The following ATIC variants were observed in gnomAD, a reference collection of about 807,000 sequenced individuals.
ATIC encodes the protein 5-aminoimidazole-4-carboxamide ribonucleotide formyltransferase/IMP cyclohydrolase, also known as bifunctional purine biosynthesis protein ATIC.
In ATIC, 64 loss-of-function variants were observed where a neutral mutation model predicts 72.5. The observed-to-expected ratio is 0.88, with a 90% CI of 0.72 to 1.09. The LOEUF is 1.09. Ranked by LOEUF, ATIC falls within the 50% of genes least tolerant of loss-of-function variation. ATIC has a pLI of 0.00. For synonymous variants in ATIC, 281 were observed against 267.1 expected, an observed-to-expected ratio of 1.05 and a Z score of -0.51; for missense variants, 787 against 732.4, an observed-to-expected ratio of 1.07 and a Z score of -0.86.
rs143713091 is a variant in ATIC, at chr2:215,344,310, A to G, written c.1228-469A>G. On this transcript the variant is annotated intron_variant, in intron 12 of 15. Coordinates refer to ENST00000236959, the MANE Select transcript of ATIC (RefSeq NM_004044.7). Reference sequence around the variant, plus strand: ...GTTAAATATTTAAGTAAATCATGGTAGTGTGTAGGAGAACAGTTAATTTCC... The same window carrying G: ...GTTAAATATTTAAGTAAATCATGGTGGTGTGTAGGAGAACAGTTAATTTCC... 2.4e-3 allele frequency among the ~76,000 whole-genome samples: 372 copies of G among 152,314 alleles called. 5 individuals are homozygous for G. Among genetic ancestry groups the G allele is most frequent in the Admixed American group, 0.019 (297 of 15,294 alleles).
intron 5 of ATIC, 83 bp downstream of exon 5, chr2:215,325,412 T>C (rs2052812312): frequency 1.9e-6 from 2 of 1,035,686 alleles, no homozygotes; most frequent in Admixed American, 1.9e-5. Context: ...ATTTTATTAC[T>C]GAGGAAATAG....
intron 2 of ATIC, among the ~76,000 whole-genome samples, chr2:215,316,659 A>G (rs16853774): frequency 0.014 from 2,165 of 152,306 alleles, 36 homozygotes; most frequent in African/African-American, 0.048. Flanking sequence ...AATTCTTAAC[A>G]TGCTAGTATA....
Position 215,333,458 on chromosome 2 carries a change from G to T in ATIC, c.922+1G>T, listed in dbSNP as rs143359980. ...TCAGCGGCATATGCAAGAGCAAGAGGTCAGACTCATAGGGCTTTTTGATTT... is the reference window on the plus strand; with the variant it reads ...TCAGCGGCATATGCAAGAGCAAGAGTTCAGACTCATAGGGCTTTTTGATTT... On this transcript the variant is annotated splice_donor_variant, in intron 9 of 15. Coordinates refer to ENST00000236959, the MANE Select transcript of ATIC (RefSeq NM_004044.7). LOFTEE classifies it high-confidence loss of function. 7 of 1,612,468 alleles carry T rather than the reference G, an allele frequency of 4.3e-6. No homozygotes were observed. Among genetic ancestry groups the T allele is most frequent in the Admixed American group, 1.7e-5 (1 of 59,986 alleles).
the ATIC span, among the ~76,000 whole-genome samples, chr2:215,365,962 T>A: frequency 5.3e-5 from 7 of 132,152 alleles, no homozygotes; most frequent in East Asian, 1.4e-3. Flanking sequence ...CTCCCCACAG[T>A]GCTATTTTTT....
chr2:215,330,835 T>C (rs920096278), intron 7 of ATIC, among the ~76,000 whole-genome samples: 8 of 151,958 alleles, frequency 5.3e-5, no homozygotes, highest in African/African-American at 1.9e-4. Context: ...TGCACCACCA[T>C]GCCCAGCTGT....
rs996961073 is a variant in ATIC, at chr2:215,349,645, TC to T, written c.1771del (p.His591ThrfsTer24). 3 of 1,614,086 alleles carry T rather than the reference TC, an allele frequency of 1.9e-6. No homozygotes were observed. Among genetic ancestry groups the T allele is most frequent in the African/African-American group, 2.7e-5 (2 of 74,912 alleles). ...CTCGCTCATACGAACCTTCGGCTCT[TC>T]CACCACTGATTTTACCACACACTGT... ...IILAHTNLRL[F>X]HH is the part of the protein sequence containing the mutation. On this transcript the variant is annotated frameshift_variant, in exon 16 of 16. Coordinates refer to ENST00000236959, the MANE Select transcript of ATIC (RefSeq NM_004044.7). LOFTEE classifies it high-confidence loss of function.
At chr2:215,334,234 C>T (rs79077644) in intron 9 of ATIC, among the ~76,000 whole-genome samples, 18,253 of 127,682 alleles carry the variant, frequency 0.14, 1,675 homozygotes, top group East Asian at 0.54. Context: ...TGCTCTGTTG[C>T]CCAGGCTGGA....
At chr2:215,361,551 T>G in the ATIC span, 1 of 1,593,908 alleles carries the variant, frequency 6.3e-7, no homozygotes, top group Non-Finnish European at 8.6e-7. Context: ...ATTGGAAAGA[T>G]GATTTACTCT....
chr2:215,337,641 A>G (rs959289769), intron 11 of ATIC, among the ~76,000 whole-genome samples: 1 of 152,228 alleles, frequency 6.6e-6, no homozygotes, highest in Non-Finnish European at 1.5e-5. Flanking sequence ...TGTTGGGATT[A>G]CAGGCGTGAG....
At chr2:215,326,333 G>A (rs145545305) in intron 6 of ATIC, among the ~76,000 whole-genome samples, 195 bp downstream of exon 6, 24 of 152,236 alleles carry the variant, frequency 1.6e-4, no homozygotes, top group Middle Eastern at 3.4e-3. Flanking sequence ...AGCTGGGCGC[G>A]GTGGCTCACG....
chr2:215,326,762 C>T (rs2052831120), intron 6 of ATIC, 60 bp from the exon 7 acceptor site: 1 of 1,604,612 alleles, frequency 6.2e-7, no homozygotes, highest in Non-Finnish European at 8.5e-7. Flanking sequence ...CGTAGAAAAC[C>T]ATCTTGTCCC....
At position 215,349,111 on chromosome 2, in the gene ATIC, G is replaced by C. The variant is rs1575127440; in HGVS notation, c.1521G>C (p.Lys507Asn). 1.2e-6 allele frequency: 2 copies of C among 1,613,994 alleles called. No homozygotes were observed. Among genetic ancestry groups the C allele is most frequent in the African/African-American group, 2.7e-5 (2 of 74,894 alleles). ...CCGCATAGGATGAAGATTTGATAAA[G>C]TGGAAGGCACTGTTTGAGGAAGTCC... ...GTIGEDEDLI[K>N]WKALFEEVPE... Residue 507 changes from lysine (K) to asparagine (N), a missense_variant, in exon 15 of 16, where the codon AAG becomes AAC. Coordinates refer to ENST00000236959, the MANE Select transcript of ATIC (RefSeq NM_004044.7).
intron 15 of ATIC, 99 bp downstream of exon 15, chr2:215,349,348 T>TA: frequency 1.3e-6 from 2 of 1,582,900 alleles, no homozygotes; most frequent in East Asian, 2.2e-5. Flanking sequence ...GGCAAAGTGA[T>TA]ACAGATCAGT....
chr2:215,366,067 C>T, the ATIC span, among the ~76,000 whole-genome samples: 1 of 151,384 alleles, frequency 6.6e-6, no homozygotes, highest in Non-Finnish European at 1.5e-5. Context: ...ATCCACCCGC[C>T]TCAGCCTCCA....
rs2052665254 is a variant in ATIC, at chr2:215,312,546, A to G, written c.68A>G (p.Asn23Ser). ...DKTGLVEFAR[N>S]LTALGLNLVA... ...ACCGGCCTTGTGGAATTTGCAAGAA[A>G]CCTGACCGCTCTTGGTTTGAATCTG... The change falls in exon 2 of 16, where the codon AAC (asparagine) becomes AGC (serine). Residue 23 changes from asparagine (N) to serine (S), a missense_variant. Transcript: ENST00000236959. The G allele has an allele frequency of 6.2e-7, 1 of 1,614,036 alleles. No homozygotes were observed. The highest frequency in any genetic ancestry group is 8.5e-7 in the Non-Finnish European group (1 of 1,180,032).
intron 2 of ATIC, among the ~76,000 whole-genome samples, chr2:215,316,945 A>G (rs151025275): frequency 0.017 from 2,563 of 152,212 alleles, 54 homozygotes; most frequent in Non-Finnish European, 0.024. Flanking sequence ...TATTTTTAGT[A>G]GAGGCGGGGT....
the ATIC span, chr2:215,361,739 T>C: frequency 1.9e-6 from 2 of 1,028,416 alleles, no homozygotes; most frequent in African/African-American, 1.6e-5. Flanking sequence ...TAGGATAATA[T>C]TTCTTCCTAG....
chr2:215,346,620 A>G (rs1198630202), intron 13 of ATIC, 139 bp from the exon 14 acceptor site: 4 of 960,190 alleles, frequency 4.2e-6, no homozygotes, highest in Non-Finnish European at 4.9e-6. Context: ...CTTAAAAATT[A>G]TTTATATTTC....
intron 7 of ATIC, among the ~76,000 whole-genome samples, 153 bp from the exon 8 acceptor site, chr2:215,332,229 C>G (rs1186467126): frequency 6.7e-6 from 1 of 149,912 alleles, no homozygotes; most frequent in Non-Finnish European, 1.5e-5. Flanking sequence ...TTGCTTTGTT[C>G]TTTATCATCA....
Sources: allele counts gnomAD v4.1 joint callset (sites outside exome capture counted in the v4.1 genomes callset), GRCh38; gene constraint gnomAD v4.1.1; transcripts MANE v1.5; gene names NCBI Gene and HGNC (gene_info 2026-07-23, HGNC 2026-07-21).